Variants in PIK3CA observed in about 807,000 individuals in gnomAD.
The protein encoded by PIK3CA is phosphatidylinositol-4,5-bisphosphate 3-kinase catalytic subunit alpha.
Under a neutral mutation model 138.2 loss-of-function variants are expected in PIK3CA, and 27 were observed. That is an observed-to-expected ratio of 0.20 (90% CI 0.14 to 0.27). The LOEUF is 0.27. Among genes scored for constraint, PIK3CA ranks in the 10% least tolerant of loss-of-function variants. The pLI is 1.00. For missense variants in PIK3CA, 544 were observed against 1,277.4 expected (o/e 0.43, Z 8.75); for synonymous variants, 358 against 413.2 (o/e 0.87, Z 1.62).
chr3:179,161,363 C>A (rs1291370093), intron 1 of PIK3CA, among the ~76,000 whole-genome samples: 1 of 152,138 alleles, frequency 6.6e-6, no homozygotes, highest in African/African-American at 2.4e-5. Context: ...TTTAGCACAT[C>A]CATAGACATA....
At chr3:179,172,926 A>G (rs961489614) in intron 1 of PIK3CA, among the ~76,000 whole-genome samples, 6 of 152,192 alleles carry the variant, frequency 3.9e-5, no homozygotes, top group Non-Finnish European at 8.8e-5. Context: ...ATAAAGCTAC[A>G]ATAATCAAAA....
intron 1 of PIK3CA, among the ~76,000 whole-genome samples, chr3:179,167,611 A>T (rs1576917065): frequency 6.6e-6 from 1 of 152,242 alleles, no homozygotes; most frequent in South Asian, 2.1e-4. Context: ...TTAACTATAG[A>T]TAGATTGTAA....
At chr3:179,204,230 A>G (rs528640832) in intron 5 of PIK3CA, among the ~76,000 whole-genome samples, 1 of 152,330 alleles carries the variant, frequency 6.6e-6, no homozygotes, top group Admixed American at 6.5e-5. Context: ...TAAAATATGG[A>G]AAAACTCTGA....
intron 9 of PIK3CA, among the ~76,000 whole-genome samples, chr3:179,211,850 T>C (rs536988376): frequency 6.6e-6 from 1 of 152,110 alleles, no homozygotes; most frequent in Non-Finnish European, 1.5e-5. Context: ...GGAGTGCCTC[T>C]AGTGATGCTA....
intron 1 of PIK3CA, among the ~76,000 whole-genome samples, chr3:179,165,552 G>A (rs1723397777): frequency 6.6e-6 from 1 of 152,122 alleles, no homozygotes; most frequent in South Asian, 2.1e-4. Context: ...CCACTGTGTT[G>A]AGCCTGGAAC....
chr3:179,183,963 A>T (rs573339027), intron 1 of PIK3CA, among the ~76,000 whole-genome samples: 231 of 152,208 alleles, frequency 1.5e-3, no homozygotes, highest in Non-Finnish European at 2.9e-3. Context: ...TCTTGGCAGG[A>T]ATTAAACTAA....
chr3:179,211,420 C>G (rs537564132), intron 9 of PIK3CA, among the ~76,000 whole-genome samples: 2 of 152,264 alleles, frequency 1.3e-5, no homozygotes, highest in East Asian at 3.9e-4. Context: ...CCTGTAATCC[C>G]AGCACTTTGG....
chr3:179,172,914 C>A (rs945626414), intron 1 of PIK3CA, among the ~76,000 whole-genome samples: 5 of 152,008 alleles, frequency 3.3e-5, no homozygotes, highest in Non-Finnish European at 7.4e-5. Flanking sequence ...TTTGTACTTG[C>A]TATAAAGCTA....
intron 6 of PIK3CA, among the ~76,000 whole-genome samples, chr3:179,209,313 C>T (rs1394445158): frequency 6.6e-6 from 1 of 152,008 alleles, no homozygotes. Context: ...TACTGCATAA[C>T]CTTACCACCC....
At position 179,221,216 on chromosome 3, in the gene PIK3CA, A is replaced by G. The variant is rs1032445896; in HGVS notation, c.2187+59A>G. The G allele has an allele frequency of 1.8e-5, 22 of 1,238,796 alleles. No individual in the cohort carries two copies. In the Admixed American group the frequency reaches 2.1e-4, roughly 12 times the overall value. The allele number at this position is 1,238,796 out of a possible 1,614,324, so 76.7% of individuals were successfully genotyped here. A position where few individuals can be genotyped will look rare whatever the true frequency, so the allele number is the denominator to read the frequency against. ...TCACTGCAGTGGGGCAGAGTTGTTT[A>G]GAAGCCCAGTGTATATACAGATCAT... On this transcript the variant is annotated intron_variant, in intron 14 of 20. Transcript: ENST00000263967.
intron 1 of PIK3CA, among the ~76,000 whole-genome samples, chr3:179,191,614 A>G (rs556838725): frequency 2.6e-5 from 4 of 152,192 alleles, no homozygotes; most frequent in South Asian, 2.1e-4. Context: ...TTTTAAAAAC[A>G]TAAGTATTTG....
intron 9 of PIK3CA, among the ~76,000 whole-genome samples, chr3:179,210,797 CTA>C (rs1240674801): frequency 5.9e-5 from 9 of 152,168 alleles, no homozygotes; most frequent in African/African-American, 1.7e-4. Context: ...TGAATGCCGA[CTA>C]TGTGTAAAGC....
intron 1 of PIK3CA, among the ~76,000 whole-genome samples, chr3:179,172,174 T>C (rs545714120): frequency 2.0e-4 from 31 of 152,152 alleles, no homozygotes; most frequent in African/African-American, 7.2e-4. Flanking sequence ...AGAAAAGTAT[T>C]TGACAAAATT....
At chr3:179,156,508 AATCTT>A (rs1723142772) in intron 1 of PIK3CA, among the ~76,000 whole-genome samples, 1 of 152,176 alleles carries the variant, frequency 6.6e-6, no homozygotes. Flanking sequence ...AATGTGTTCT[AATCTT>A]AGAAACATAA....
At chr3:179,195,656 A>G (rs1331789247) in intron 1 of PIK3CA, among the ~76,000 whole-genome samples, 1 of 152,174 alleles carries the variant, frequency 6.6e-6, no homozygotes. Context: ...CTGAAGTCCA[A>G]ATAACAGCAT....
intron 1 of PIK3CA, among the ~76,000 whole-genome samples, chr3:179,178,644 T>TC (rs1723764041): frequency 6.6e-6 from 1 of 152,202 alleles, no homozygotes; most frequent in African/African-American, 2.4e-5. Flanking sequence ...ATCCCTAGGT[T>TC]CCATGGTTCG....
chr3:179,180,066 G>A (rs1018354869), intron 1 of PIK3CA, among the ~76,000 whole-genome samples: 2 of 152,144 alleles, frequency 1.3e-5, no homozygotes, highest in African/African-American at 4.8e-5. Flanking sequence ...TAATGTTTGA[G>A]GCTTGAGTCA....
At chr3:179,149,197 TC>T (rs1185980033) in intron 1 of PIK3CA, among the ~76,000 whole-genome samples, 1 of 152,194 alleles carries the variant, frequency 6.6e-6, no homozygotes, top group African/African-American at 2.4e-5. Flanking sequence ...GGTTGTTTTT[TC>T]CTTTTAGCTG....
intron 17 of PIK3CA, 74 bp from the exon 18 acceptor site, chr3:179,229,197 AT>A: frequency 8.6e-7 from 1 of 1,156,462 alleles, no homozygotes; most frequent in African/African-American, 1.5e-5. Flanking sequence ...TAAAATACTC[AT>A]GTTTTAGCCT....
Sources: allele counts gnomAD v4.1 joint callset (sites outside exome capture counted in the v4.1 genomes callset), GRCh38; gene constraint gnomAD v4.1.1; transcripts MANE v1.5; gene names NCBI Gene and HGNC (gene_info 2026-07-23, HGNC 2026-07-21).